Variants in POTEI observed in about 807,000 individuals in gnomAD.
The protein encoded by POTEI is POTE ankyrin domain family member I, also known as POTE ankyrin domain family, member I.
POTEI carries 14 observed loss-of-function variants against 43.4 expected under a neutral mutation model. The ratio of observed to expected loss-of-function variants is 0.32; its 90% CI spans 0.21 to 0.50. POTEI has a LOEUF of 0.50. Ranked by LOEUF, POTEI falls within the 20% of genes least tolerant of loss-of-function variation. The probability of loss-of-function intolerance (pLI) is 0.98; values close to 1 mark genes in which losing one functional copy is unlikely to be tolerated. For missense variants in POTEI, 235 were observed against 795.4 expected (o/e 0.30, Z 8.47); for synonymous variants, 95 against 297.9 (o/e 0.32, Z 7.01).
rs1163060885 is a variant in POTEI, at chr2:130,461,422, T to C, written c.*1394A>G. The C allele has an allele frequency of 2.6e-5, 4 of 151,566 alleles. No individual in the cohort carries two copies. Among genetic ancestry groups the C allele is most frequent in the Admixed American group, 2.6e-4 (4 of 15,252 alleles). 9.4% of individuals were successfully genotyped at this position (151,566 alleles called of 1,614,324 possible). The stretch of plus-strand genomic sequence containing the variant: ...ACCCTGGTTGAAAGACTTCACCCAC[T>C]GACTAGAAATGTGGTCAGGGACTGA... On this transcript the variant is annotated 3_prime_UTR_variant, in exon 15 of 15. Coordinates refer to ENST00000451531, the MANE Select transcript of POTEI (RefSeq NM_001277406.2).
At position 130,505,080 on chromosome 2, in the gene POTEI, C is replaced by G. The variant is rs1356313958; in HGVS notation, c.522-1186G>C. 1.2e-3 allele frequency among the ~76,000 whole-genome samples: 186 copies of G among 149,956 alleles called. 6 individuals carry two copies. The highest frequency in any genetic ancestry group is 1.8e-3 in the Non-Finnish European group (121 of 67,356). On this transcript the variant is annotated intron_variant, in intron 1 of 14. Transcript: ENST00000451531. ...TTTCCCTCTTCCCACCCTCCACCCT[C>G]TGATAGGCCCCAGTGTGTGTTCCTT...
intron 10 of POTEI, among the ~76,000 whole-genome samples, chr2:130,477,454 G>C (rs1401441005): frequency 1.3e-5 from 2 of 150,476 alleles, no homozygotes; most frequent in East Asian, 4.1e-4. Context: ...TTCATCTTTT[G>C]AAACAATGCT....
At chr2:130,492,976 CA>C (rs1573932162) in intron 6 of POTEI, among the ~76,000 whole-genome samples, 1 of 150,672 alleles carries the variant, frequency 6.6e-6, no homozygotes, top group South Asian at 2.1e-4. Context: ...CTAGCCTATA[CA>C]AAAAACACTC....
intron 3 of POTEI, among the ~76,000 whole-genome samples, chr2:130,501,887 CAAAA>C (rs1201943516): frequency 0.042 from 36 of 850 alleles, 2 homozygotes; most frequent in African/African-American, 0.051. Context: ...GACCCCATCT[CAAAA>C]AAAAAAAAAA....
At chr2:130,502,063 G>C (rs1684070190) in intron 3 of POTEI, among the ~76,000 whole-genome samples, 2 of 46,842 alleles carry the variant, frequency 4.3e-5, no homozygotes, top group Non-Finnish European at 5.7e-5. Flanking sequence ...TCCAGATTTT[G>C]AGAAAATTGT....
intron 13 of POTEI, among the ~76,000 whole-genome samples, chr2:130,468,060 T>C (rs573673076): frequency 3.9e-4 from 47 of 120,072 alleles, no homozygotes; most frequent in African/African-American, 1.5e-3. Flanking sequence ...TGGAGAGTTC[T>C]CAAAGAACTA....
In POTEI at chr2:130,461,540, C is replaced by G. The variant is rs1246368443; in HGVS notation, c.*1276G>C. On this transcript the variant is annotated 3_prime_UTR_variant, in exon 15 of 15. Transcript: ENST00000451531. Reference sequence around the variant, plus strand: ...TTGTCAGCTTGGGCTCTCCAAAGCCCGCAGGCCAGAATGGCTAGTCACCGA... The same window carrying G: ...TTGTCAGCTTGGGCTCTCCAAAGCCGGCAGGCCAGAATGGCTAGTCACCGA... 6.6e-6 allele frequency: 1 copy of G among 152,242 alleles called. No homozygotes were observed. The highest frequency in any genetic ancestry group is 1.5e-5 in the Non-Finnish European group (1 of 68,056). The allele number at this position is 152,242 out of a possible 1,614,324, so 9.4% of individuals were successfully genotyped here.
chr2:130,508,848 C>A lies in POTEI; in HGVS notation c.388G>T (p.Glu130Ter), dbSNP rs781148624. ...WGDYDDSAFV[E>*]PRYHVRREDL... ...TCTCGACGGACGTGGTATCTCGGCT[C>A]CACGAAGGCGCTGTCGTCGTAGTCT... Residue 130 changes from glutamate (E) to a stop codon, truncating the protein, a stop_gained, in exon 1 of 15, where the codon GAG (glutamate) becomes TAG (stop). Transcript: ENST00000451531. LOFTEE classifies it high-confidence loss of function. The A allele has an allele frequency of 6.4e-7, 1 of 1,564,098 alleles. No homozygotes were observed. Among genetic ancestry groups the A allele is most frequent in the East Asian group, 2.5e-5 (1 of 40,650 alleles).
chr2:130,498,021 T>G (rs1161580369), intron 5 of POTEI, among the ~76,000 whole-genome samples: 1 of 141,122 alleles, frequency 7.1e-6, no homozygotes, highest in African/African-American at 2.6e-5. Context: ...TTCCACGATT[T>G]TCATTATCAT....
At chr2:130,507,309 TATATATATACACACAC>T (rs1335944987) in intron 1 of POTEI, among the ~76,000 whole-genome samples, 921 of 10,316 alleles carry the variant, frequency 0.089, 39 homozygotes, top group South Asian at 0.31. Context: ...TATATATATA[TATATATATACACACAC>T]ACACACACAC....
chr2:130,509,267 A>C lies in POTEI; in HGVS notation c.-32T>G. On this transcript the variant is annotated 5_prime_UTR_variant, in exon 1 of 15. Transcript: ENST00000451531. ...TTAACAGCCTGGGGAGGCCGGTAGT[A>C]GCGAGCAGATCACGTCTACCAACCA... The C allele has an allele frequency of 9.6e-7, 1 of 1,046,708 alleles. No homozygotes were observed. The highest frequency in any genetic ancestry group is 1.5e-5 in the South Asian group (1 of 64,780). 64.8% of individuals were successfully genotyped at this position (1,046,708 alleles called of 1,614,324 possible).
chr2:130,477,240 G>A (rs1385721722), intron 10 of POTEI, among the ~76,000 whole-genome samples: 5 of 145,112 alleles, frequency 3.4e-5, no homozygotes, highest in Middle Eastern at 3.5e-3. Flanking sequence ...TGCAACCTCC[G>A]CCTCCCTGGT....
intron 10 of POTEI, among the ~76,000 whole-genome samples, chr2:130,477,384 T>C (rs1683236496): frequency 6.7e-6 from 1 of 148,510 alleles, no homozygotes; most frequent in Non-Finnish European, 1.5e-5. Context: ...TCTCCTGACC[T>C]CGTGATCCCC....
rs2105082791 is a variant in POTEI, at chr2:130,481,676, T to C, written c.1480+327A>G. ...TTGTGAACTGCCCATCTGAGGGATC[T>C]AGGTTGTGTGCTTCCTATGAGAATC... On this transcript the variant is annotated intron_variant, in intron 10 of 14. Transcript: ENST00000451531. Among the ~76,000 whole-genome samples, 2 of 7,634 alleles carry C rather than the reference T, an allele frequency of 2.6e-4. 1 individual carries two copies. Among genetic ancestry groups the C allele is most frequent in the African/African-American group, 2.8e-4 (2 of 7,046 alleles). 5.0% of individuals were successfully genotyped at this position (7,634 alleles called of 152,430 possible). A position where few individuals can be genotyped will look rare whatever the true frequency, so the allele number is the denominator to read the frequency against.
chr2:130,482,618 T>A (rs1040671005), intron 9 of POTEI, among the ~76,000 whole-genome samples: 1 of 150,544 alleles, frequency 6.6e-6, no homozygotes. Flanking sequence ...TATGCAAATG[T>A]TGTAGTTTTC....
intron 8 of POTEI, among the ~76,000 whole-genome samples, chr2:130,488,750 G>A (rs1337807569): frequency 1.4e-4 from 14 of 100,712 alleles, no homozygotes; most frequent in Non-Finnish European, 1.8e-4. Context: ...AAACATGATG[G>A]TGCTCACTGA....
chr2:130,468,720 T>C (rs1297423855), intron 13 of POTEI, among the ~76,000 whole-genome samples: 3 of 151,692 alleles, frequency 2.0e-5, no homozygotes. Context: ...GGGGGTATCC[T>C]TATTTTTAAA....
Position 130,479,932 on chromosome 2 carries a change from A to G in POTEI, c.1480+2071T>C, listed in dbSNP as rs1683346871. 5.7e-5 allele frequency among the ~76,000 whole-genome samples: 2 copies of G among 35,098 alleles called. 1 individual carries two copies. 23.0% of individuals were successfully genotyped at this position (35,098 alleles called of 152,430 possible). ...AATGTTTATTCTAAGCTAATCAGGT[A>G]TTTACCTTCCCAGTGCCTGGTTTGG... On this transcript the variant is annotated intron_variant, in intron 10 of 14. Coordinates refer to ENST00000451531, the MANE Select transcript of POTEI (RefSeq NM_001277406.2).
chr2:130,498,058 C>T (rs1462489479), intron 5 of POTEI, among the ~76,000 whole-genome samples: 1 of 130,634 alleles, frequency 7.7e-6, no homozygotes, highest in Non-Finnish European at 1.6e-5. Context: ...AAGGGGCCAA[C>T]CACAGCTGGG....
Sources: allele counts gnomAD v4.1 joint callset (sites outside exome capture counted in the v4.1 genomes callset), GRCh38; gene constraint gnomAD v4.1.1; transcripts MANE v1.5; gene names NCBI Gene and HGNC (gene_info 2026-07-23, HGNC 2026-07-21).